PTK2B: variants seen among roughly 807,000 people sequenced by gnomAD.
PTK2B encodes the protein protein-tyrosine kinase 2-beta.
PTK2B carries 71 observed loss-of-function variants against 142.9 expected under a neutral mutation model. The ratio of observed to expected loss-of-function variants is 0.50; its 90% CI spans 0.41 to 0.61. The LOEUF (loss-of-function observed/expected upper bound fraction) is 0.61. Ranked by LOEUF, PTK2B falls within the 20% of genes least tolerant of loss-of-function variation. PTK2B has a pLI of 0.00. For missense variants in PTK2B, 1,105 were observed against 1,320.4 expected (o/e 0.84, Z 2.53); for synonymous variants, 519 against 503.4 (o/e 1.03, Z -0.42).
intron 5 of PTK2B, among the ~76,000 whole-genome samples, chr8:27,424,062 T>C (rs1809924359): frequency 6.6e-6 from 1 of 152,200 alleles, no homozygotes; most frequent in Admixed American, 6.5e-5. Context: ...GCTCGGCTCC[T>C]ATGACTTGCA....
In PTK2B at chr8:27,430,423, G is replaced by A. The variant is rs1401964703; in HGVS notation, c.669+5G>A. Reference sequence around the variant, plus strand: ...CAGATGCAGGAGAACTTAAAGGTGAGGAAACCAATGGGCGAGGACCTCTTC... The same window carrying A: ...CAGATGCAGGAGAACTTAAAGGTGAAGAAACCAATGGGCGAGGACCTCTTC... On this transcript the variant is annotated splice_donor_5th_base_variant and intron_variant, in intron 7 of 30. Transcript: ENST00000346049. 1 of 1,614,160 alleles carries A rather than the reference G, an allele frequency of 6.2e-7. No homozygotes were observed. Among genetic ancestry groups the A allele is most frequent in the Non-Finnish European group, 8.5e-7 (1 of 1,180,004 alleles).
At chr8:27,355,354 G>A (rs1047084269) in intron 1 of PTK2B, among the ~76,000 whole-genome samples, 1 of 152,152 alleles carries the variant, frequency 6.6e-6, no homozygotes, top group Admixed American at 6.5e-5. Flanking sequence ...ACAAGAGAGA[G>A]ATTGTAAGGC....
intron 2 of PTK2B, among the ~76,000 whole-genome samples, chr8:27,406,489 G>GT (rs1808721417): frequency 6.6e-6 from 1 of 152,092 alleles, no homozygotes; most frequent in African/African-American, 2.4e-5. Context: ...CCATTTAAAA[G>GT]CTTTAATTAT....
intron 1 of PTK2B, among the ~76,000 whole-genome samples, chr8:27,383,399 C>T (rs1807147943): frequency 6.6e-6 from 1 of 152,066 alleles, no homozygotes; most frequent in South Asian, 2.1e-4. Flanking sequence ...GCACGTGCCA[C>T]CAGGCCTGGA....
chr8:27,416,429 A>G (rs964751126), intron 2 of PTK2B, among the ~76,000 whole-genome samples: 4 of 152,272 alleles, frequency 2.6e-5, no homozygotes, highest in African/African-American at 9.6e-5. Context: ...GGGAAAGTCA[A>G]CAACCAATGC....
intron 1 of PTK2B, among the ~76,000 whole-genome samples, chr8:27,350,465 G>C (rs917051774): frequency 2.0e-5 from 3 of 152,142 alleles, no homozygotes; most frequent in African/African-American, 7.2e-5. Flanking sequence ...CTCTGGATTT[G>C]TCTGGAATAT....
At chr8:27,420,583 G>A (rs1024992003) in intron 3 of PTK2B, 74 bp from the exon 4 acceptor site, 41 of 1,415,642 alleles carry the variant, frequency 2.9e-5, no homozygotes, top group Non-Finnish European at 3.8e-5. Context: ...GCTTGCTTCT[G>A]CCCTTGGGGT....
intron 11 of PTK2B, 87 bp from the exon 12 acceptor site, chr8:27,434,006 C>T (rs957431227): frequency 6.8e-7 from 1 of 1,479,332 alleles, no homozygotes; most frequent in African/African-American, 1.4e-5. Flanking sequence ...GGAGGAGAGT[C>T]CCTTGTAGGA....
At chr8:27,372,127 T>C (rs1806397665) in intron 1 of PTK2B, among the ~76,000 whole-genome samples, 1 of 152,192 alleles carries the variant, frequency 6.6e-6, no homozygotes, top group Non-Finnish European at 1.5e-5. Flanking sequence ...ACTAGAAATA[T>C]GATATAAATG....
At chr8:27,454,009 C>T (rs933443703) in intron 28 of PTK2B, 145 bp from the exon 29 acceptor site, 100 of 1,183,252 alleles carry the variant, frequency 8.5e-5, no homozygotes, top group African/African-American at 1.5e-4. Flanking sequence ...CAATGCACCC[C>T]GGGACAGGGC....
At position 27,458,544 on chromosome 8, in the gene PTK2B, C is replaced by T; in HGVS notation, c.*35C>T. Reference sequence around the variant, plus strand: ...GGGGCCACCTGCCTGCGTCTTCCGCCCCTGCCTGCCATGTACCTCCCCTGC... The same window carrying T: ...GGGGCCACCTGCCTGCGTCTTCCGCTCCTGCCTGCCATGTACCTCCCCTGC... On this transcript the variant is annotated 3_prime_UTR_variant, in exon 31 of 31. Transcript: ENST00000346049. The T allele has an allele frequency of 6.5e-7, 1 of 1,541,882 alleles. No homozygotes were observed. Among genetic ancestry groups the T allele is most frequent in the Non-Finnish European group, 8.8e-7 (1 of 1,141,786 alleles).
At chr8:27,424,651 A>T (rs1809965672) in intron 5 of PTK2B, among the ~76,000 whole-genome samples, 1 of 152,222 alleles carries the variant, frequency 6.6e-6, no homozygotes, top group Admixed American at 6.5e-5. Context: ...GTTATTTGTT[A>T]TGATGAGCCA....
chr8:27,318,467 C>T (rs190594919), intron 3 of PTK2B, among the ~76,000 whole-genome samples: 3 of 152,198 alleles, frequency 2.0e-5, no homozygotes, highest in Admixed American at 6.5e-5. Context: ...GATTCAGAGT[C>T]GGCAGGGCAT....
At chr8:27,332,652 C>A (rs1257558750) in intron 1 of PTK2B, among the ~76,000 whole-genome samples, 2 of 152,120 alleles carry the variant, frequency 1.3e-5, no homozygotes, top group Non-Finnish European at 2.9e-5. Flanking sequence ...TGCGATCACA[C>A]CTCACAGCAA....
intron 1 of PTK2B, among the ~76,000 whole-genome samples, chr8:27,354,930 T>C (rs1805310630): frequency 6.6e-6 from 1 of 152,208 alleles, no homozygotes. Context: ...TTATACTGCT[T>C]ATGTCTAGAG....
Position 27,435,758 on chromosome 8 carries a change from C to G in PTK2B, c.1208C>G (p.Ala403Gly). The G allele has an allele frequency of 1.2e-6, 2 of 1,614,190 alleles. No homozygotes were observed. The highest frequency in any genetic ancestry group is 1.7e-6 in the Non-Finnish European group (2 of 1,180,044). The change falls in exon 14 of 31, where the codon GCA becomes GGA. Residue 403 changes from alanine to glycine, a missense_variant. Coordinates refer to ENST00000346049, the MANE Select transcript of PTK2B (RefSeq NM_173176.3). ...GTTGTTCCAGAGTCAGACATCTACG[C>G]AGAGATTCCCGACGAAACCCTGCGA... ...ESCSIESDIYAEIPDETLRRP... is the reference protein window; with the variant it reads ...ESCSIESDIYGEIPDETLRRP...
At chr8:27,425,866 T>C (rs1810052886) in intron 5 of PTK2B, among the ~76,000 whole-genome samples, 2 of 152,226 alleles carry the variant, frequency 1.3e-5, no homozygotes, top group South Asian at 2.1e-4. Flanking sequence ...ATAGTTGGAA[T>C]GATACCTAGT....
chr8:27,430,818 G>A (rs926904648), intron 7 of PTK2B, 58 bp from the exon 8 acceptor site: 5 of 1,586,680 alleles, frequency 3.2e-6, no homozygotes, highest in Non-Finnish European at 2.6e-6. Context: ...GACCCTAAGG[G>A]AAGGAGTGAG....
At chr8:27,406,372 A>G (rs1247398145) in intron 2 of PTK2B, among the ~76,000 whole-genome samples, 1 of 152,008 alleles carries the variant, frequency 6.6e-6, no homozygotes, top group Non-Finnish European at 1.5e-5. Flanking sequence ...CCACCATTCA[A>G]CCCATTATGA....
Sources: gnomAD v4.1 joint callset for allele counts (sites outside exome capture counted in the v4.1 genomes callset) on GRCh38, gnomAD v4.1.1 for gene constraint, MANE v1.5 for transcripts, NCBI Gene and HGNC (gene_info 2026-07-23, HGNC 2026-07-21) for gene names.